Variants in SYT1 observed in about 807,000 individuals in gnomAD.
SYT1 encodes the protein synaptotagmin 1.
A neutral mutation model predicts 44.8 loss-of-function variants in SYT1; 8 were observed. The observed-to-expected ratio is 0.18, with a 90% confidence interval of 0.10 to 0.32. The LOEUF (loss-of-function observed/expected upper bound fraction) is 0.32. SYT1 is among the 10% of genes least tolerant of loss of function. SYT1 has a pLI of 1.00. For synonymous variants in SYT1, 154 were observed against 188.8 expected (o/e 0.82, Z 1.51); for missense variants, 286 against 509.3 (o/e 0.56, Z 4.22).
intron 2 of SYT1, among the ~76,000 whole-genome samples, chr12:79,013,999 G>A (rs972300967): frequency 2.8e-5 from 4 of 142,026 alleles, no homozygotes; most frequent in South Asian, 2.2e-4. Flanking sequence ...GGTGGTGGGC[G>A]CCTGTAGTCC....
At chr12:78,980,608 A>C (rs182994982) in intron 2 of SYT1, among the ~76,000 whole-genome samples, 3 of 152,306 alleles carry the variant, frequency 2.0e-5, no homozygotes, top group Admixed American at 2.0e-4. Flanking sequence ...ATTTTCAAAT[A>C]TAAAGAATGC....
At chr12:79,421,504 C>T (rs151021965) in intron 9 of SYT1, among the ~76,000 whole-genome samples, 1 of 152,086 alleles carries the variant, frequency 6.6e-6, no homozygotes, top group Non-Finnish European at 1.5e-5. Context: ...GGTGGCTACA[C>T]CATCATTACT....
At chr12:79,436,305 AGAAAAAAG>A (rs1261017786) in intron 9 of SYT1, among the ~76,000 whole-genome samples, 1 of 152,154 alleles carries the variant, frequency 6.6e-6, no homozygotes, top group Non-Finnish European at 1.5e-5. Flanking sequence ...CATTATCCAA[AGAAAAAAG>A]GATAAAAGGA....
At chr12:78,886,215 G>A (rs1874741291) in intron 1 of SYT1, among the ~76,000 whole-genome samples, 2 of 151,906 alleles carry the variant, frequency 1.3e-5, no homozygotes, top group Admixed American at 1.3e-4. Flanking sequence ...ATGATTGAAA[G>A]ACTAATGCAT....
intron 5 of SYT1, 154 bp from the exon 6 acceptor site, chr12:79,291,854 T>TTCC: frequency 1.0e-6 from 1 of 967,700 alleles, no homozygotes; most frequent in Non-Finnish European, 1.6e-6. Flanking sequence ...TTAAAAAATA[T>TTCC]GTAAGCAGCA....
At chr12:79,074,229 C>T (rs541914174) in intron 3 of SYT1, among the ~76,000 whole-genome samples, 1 of 152,206 alleles carries the variant, frequency 6.6e-6, no homozygotes, top group Non-Finnish European at 1.5e-5. Flanking sequence ...TTTTGAAAAT[C>T]GTCCTCTATT....
chr12:79,203,725 T>C (rs1039905804), intron 3 of SYT1, among the ~76,000 whole-genome samples: 8 of 152,202 alleles, frequency 5.3e-5, no homozygotes, highest in Admixed American at 6.5e-5. Context: ...ACAATCTTGC[T>C]TGTTATTTTT....
At chr12:79,442,031 G>GA (rs1870454655) in intron 9 of SYT1, among the ~76,000 whole-genome samples, 1 of 152,194 alleles carries the variant, frequency 6.6e-6, no homozygotes, top group South Asian at 2.1e-4. Context: ...TTTGCTTACT[G>GA]AAATGGCAGA....
chr12:79,345,172 C>G (rs542051244), intron 8 of SYT1, among the ~76,000 whole-genome samples: 52 of 152,244 alleles, frequency 3.4e-4, no homozygotes, highest in South Asian at 2.7e-3. Context: ...GACACCAGCT[C>G]TGGTTAAAAG....
At chr12:79,236,179 A>G (rs1876179989) in intron 4 of SYT1, among the ~76,000 whole-genome samples, 1 of 152,188 alleles carries the variant, frequency 6.6e-6, no homozygotes, top group African/African-American at 2.4e-5. Context: ...TTGTACATAA[A>G]TCTTTCAGAT....
In SYT1 at chr12:79,169,710, T is replaced by G. The variant is rs150782959; in HGVS notation, c.-17-47793T>G. ...GTATGAGTAGAGCTTTTTTTTTAAC[T>G]TTTAAATTTAGGGGTACAAGTGCAT... is the stretch of plus-strand genomic sequence containing the variant. On this transcript the variant is annotated intron_variant, in intron 3 of 10. Transcript: ENST00000261205. 1.2e-3 allele frequency among the ~76,000 whole-genome samples: 178 copies of G among 152,120 alleles called. 2 individuals carry two copies. The highest frequency in any genetic ancestry group is 4.0e-3 in the African/African-American group (166 of 41,552).
chr12:79,039,815 T>G, intron 2 of SYT1, among the ~76,000 whole-genome samples: 1 of 131,002 alleles, frequency 7.6e-6, no homozygotes, highest in South Asian at 2.8e-4. Flanking sequence ...ATATTCCCCT[T>G]CCTGTGTCCA....
At chr12:79,041,889 G>A (rs1373785448) in intron 2 of SYT1, among the ~76,000 whole-genome samples, 1 of 152,156 alleles carries the variant, frequency 6.6e-6, no homozygotes, top group Non-Finnish European at 1.5e-5. Flanking sequence ...TAATCATGTG[G>A]TTTTTGTCTT....
chr12:79,196,151 G>T (rs1592843241), intron 3 of SYT1, among the ~76,000 whole-genome samples: 1 of 7,192 alleles, frequency 1.4e-4, no homozygotes, highest in Non-Finnish European at 5.3e-4. Flanking sequence ...TTCTAATTCT[G>T]TTGTTGTTGT....
chr12:79,428,389 A>C (rs1869571627), intron 9 of SYT1, among the ~76,000 whole-genome samples: 1 of 152,136 alleles, frequency 6.6e-6, no homozygotes, highest in African/African-American at 2.4e-5. Flanking sequence ...GATGCTCTGG[A>C]TACCTGAGAC....
intron 3 of SYT1, among the ~76,000 whole-genome samples, chr12:79,188,002 A>G (rs1210106742): frequency 6.6e-6 from 1 of 152,178 alleles, no homozygotes; most frequent in East Asian, 1.9e-4. Flanking sequence ...CTTGGGAAAG[A>G]AACACGTCTT....
intron 2 of SYT1, among the ~76,000 whole-genome samples, chr12:79,019,524 C>G (rs1446599112): frequency 2.0e-5 from 3 of 151,854 alleles, no homozygotes; most frequent in Non-Finnish European, 2.9e-5. Context: ...TGCCTACCTA[C>G]CACAGTTGCT....
At chr12:79,222,611 G>T (rs1875241186) in intron 4 of SYT1, among the ~76,000 whole-genome samples, 1 of 152,120 alleles carries the variant, frequency 6.6e-6, no homozygotes, top group African/African-American at 2.4e-5. Context: ...TCGAACTCCT[G>T]ACCTCGGGTG....
intron 9 of SYT1, among the ~76,000 whole-genome samples, chr12:79,364,984 A>T (rs1883481104): frequency 6.6e-6 from 1 of 152,144 alleles, no homozygotes; most frequent in South Asian, 2.1e-4. Context: ...CTAGAATTTT[A>T]GTTTTAAAAT....
Sources: allele counts gnomAD v4.1 joint callset (sites outside exome capture counted in the v4.1 genomes callset), GRCh38; gene constraint gnomAD v4.1.1; transcripts MANE v1.5; gene names NCBI Gene and HGNC (gene_info 2026-07-23, HGNC 2026-07-21).